The following DNA2 variants were observed in gnomAD, a reference collection of about 807,000 sequenced individuals.
DNA2 encodes DNA replication ATP-dependent helicase/nuclease DNA2.
In DNA2, 101 loss-of-function variants were observed where a neutral mutation model predicts 119.1. The ratio of observed to expected loss-of-function variants is 0.85; its 90% CI spans 0.72 to 1.00. DNA2 has a LOEUF of 1.00. Ranked by LOEUF, DNA2 falls within the 50% of genes least tolerant of loss-of-function variation. The probability of loss-of-function intolerance (pLI) is 0.00; values close to 1 mark genes in which losing one functional copy is unlikely to be tolerated. For synonymous variants in DNA2, 366 were observed against 424.4 expected (o/e 0.86, Z 1.69); for missense variants, 1,121 against 1,255.5 (o/e 0.89, Z 1.62).
chr10:68,459,805 G>C (rs1442509329), intron 4 of DNA2, among the ~76,000 whole-genome samples: 1 of 152,114 alleles, frequency 6.6e-6, no homozygotes, highest in African/African-American at 2.4e-5. Flanking sequence ...GAGGCAGGTG[G>C]ATCACAAGGT....
chr10:68,450,447 C>G (rs1426847956), intron 5 of DNA2, among the ~76,000 whole-genome samples, 200 bp from the exon 6 acceptor site: 1 of 152,146 alleles, frequency 6.6e-6, no homozygotes, highest in African/African-American at 2.4e-5. Flanking sequence ...AGTAAATCCT[C>G]AAGACCCACT....
intron 2 of DNA2, 117 bp downstream of exon 2, chr10:68,469,864 C>A: frequency 3.3e-6 from 3 of 920,986 alleles, no homozygotes; most frequent in Middle Eastern, 6.6e-4. Flanking sequence ...AGGCTAAGAT[C>A]AAACCTACTC....
rs1246628338 is a variant in DNA2 at position 68,451,941 on chromosome 10, G to T, written c.720-1694C>A. 2.0e-5 allele frequency among the ~76,000 whole-genome samples: 3 copies of T among 150,926 alleles called. No individual in the cohort carries two copies. In the East Asian group the frequency reaches 6.0e-4, roughly 30 times the overall value. Reference sequence around the variant, plus strand: ...AGAATATTTTCTAAGAAAAAAAAATGCTGTCTTAAATAATTTTTTATAAAA... The same window carrying T: ...AGAATATTTTCTAAGAAAAAAAAATTCTGTCTTAAATAATTTTTTATAAAA... On this transcript the variant is annotated intron_variant, in intron 5 of 20. Coordinates refer to ENST00000358410, the MANE Select transcript of DNA2 (RefSeq NM_001080449.3).
At chr10:68,428,370 C>T (rs959872038) in intron 14 of DNA2, among the ~76,000 whole-genome samples, 1 of 151,906 alleles carries the variant, frequency 6.6e-6, no homozygotes, top group African/African-American at 2.4e-5. Flanking sequence ...GAGGAGATCA[C>T]TCATACACGT....
intron 1 of DNA2, 45 bp downstream of exon 1, chr10:68,471,746 C>A (rs775407234): frequency 2.6e-6 from 4 of 1,525,832 alleles, no homozygotes; most frequent in African/African-American, 1.4e-5. Flanking sequence ...CTCCTTCTTT[C>A]AAATCTCCCG....
chr10:68,472,256 A>G, upstream of DNA2: 1 of 1,131,086 alleles, frequency 8.8e-7, no homozygotes, highest in Non-Finnish European at 1.1e-6. Flanking sequence ...CTTAGTTTGA[A>G]CACAACCTTT....
intron 4 of DNA2, among the ~76,000 whole-genome samples, chr10:68,462,209 C>CA (rs2052268926): frequency 6.6e-6 from 1 of 151,782 alleles, no homozygotes; most frequent in South Asian, 2.1e-4. Flanking sequence ...TGTCTCTACT[C>CA]ACAAACACAA....
In DNA2 at chr10:68,471,801, G is replaced by A; in HGVS notation, c.64C>T (p.Pro22Ser). The change falls in exon 1 of 21, where the codon CCG becomes TCG. Residue 22 changes from proline to serine, a missense_variant. By Grantham distance (74) the Pro-to-Ser change is moderately conservative (BLOSUM62 -1). Transcript: ENST00000358410. The part of the protein sequence containing the change: ...EKSFWEEAEL[P>S]AELFQKKVVA... ...CCCCTCTCCGCTCACAGCTCCGCCG[G>A]CAGCTCCGCCTCCTCCCAAAAACTC... The A allele has an allele frequency of 6.2e-7, 1 of 1,600,504 alleles. No homozygotes were observed. Among genetic ancestry groups the A allele is most frequent in the Non-Finnish European group, 8.5e-7 (1 of 1,174,550 alleles).
At chr10:68,429,564 TAGTC>T (rs1288087609) in intron 14 of DNA2, among the ~76,000 whole-genome samples, 2 of 132,292 alleles carry the variant, frequency 1.5e-5, no homozygotes, top group East Asian at 4.4e-4. Context: ...AAAAAAAAAT[TAGTC>T]AGGCGTGGTG....
rs1296910413 is a variant in DNA2 at position 68,468,324 on chromosome 10, T to A, written c.258-18A>T. The A allele has an allele frequency of 2.0e-6, 3 of 1,511,388 alleles. No homozygotes were observed. The highest frequency in any genetic ancestry group is 1.8e-6 in the Non-Finnish European group (2 of 1,129,112). 93.6% of individuals were successfully genotyped at this position (1,511,388 alleles called of 1,614,324 possible). The stretch of plus-strand genomic sequence containing the variant: ...CAGAACACCTGAAAATAAAGCAAAG[T>A]TAAAGTATAAATACATAGCTTAGGT... On this transcript the variant is annotated intron_variant, in intron 2 of 20. Coordinates refer to ENST00000358410, the MANE Select transcript of DNA2 (RefSeq NM_001080449.3).
In DNA2 at chr10:68,422,300, A is replaced by C. The variant is rs771396174; in HGVS notation, c.2622T>G (p.Ala874=). The change falls in exon 17 of 21, where the codon GCT becomes GCG. Residue 874 remains alanine, a synonymous_variant. Coordinates refer to ENST00000358410, the MANE Select transcript of DNA2 (RefSeq NM_001080449.3). ...KDVKLELEFY[A]DYSDNPWLMG... is the part of the protein sequence containing the mutation. ...TCAACCAAGGATTATCAGAATAGTCAGCATAAAATTCCAGTTCCAGCTTCA... is the reference window on the plus strand; with the variant it reads ...TCAACCAAGGATTATCAGAATAGTCCGCATAAAATTCCAGTTCCAGCTTCA... 1 of 1,613,884 alleles carries C rather than the reference A, an allele frequency of 6.2e-7. No individual in the cohort carries two copies. The highest frequency in any genetic ancestry group is 8.5e-7 in the Non-Finnish European group (1 of 1,179,852).
chr10:68,459,145 A>C lies in DNA2; in HGVS notation c.678T>G (p.His226Gln), dbSNP rs763610246. 1.9e-6 allele frequency: 3 copies of C among 1,598,822 alleles called. No individual in the cohort carries two copies. Among genetic ancestry groups the C allele is most frequent in the African/African-American group, 2.7e-5 (2 of 74,714 alleles). The change falls in exon 5 of 21, where the codon CAT (histidine) becomes CAG (glutamine). Residue 226 changes from histidine to glutamine, a missense_variant. Coordinates refer to ENST00000358410, the MANE Select transcript of DNA2 (RefSeq NM_001080449.3). Reference sequence around the variant, plus strand: ...GAGGGAAGTCAGTCGAAGTGTTTTTATGCATGAAATCTCCTGCCCATTTAC... The same window carrying C: ...GAGGGAAGTCAGTCGAAGTGTTTTTCTGCATGAAATCTCCTGCCCATTTAC... ...SFCKWAGDFM[H>Q]KNTSTDFPQM... is the part of the protein sequence containing the mutation.
chr10:68,460,714 G>A (rs910979250), intron 4 of DNA2, among the ~76,000 whole-genome samples: 1 of 151,864 alleles, frequency 6.6e-6, no homozygotes, highest in Non-Finnish European at 1.5e-5. Flanking sequence ...GGCCTAACAC[G>A]GTAATTTTTA....
Position 68,459,355 on chromosome 10 carries a change from C to CGGCCGGGCGCGGTGGCT in DNA2, c.588-121_588-120insAGCCACCGCGCCCGGCC, listed in dbSNP as rs2052226719. On this transcript the variant is annotated intron_variant, in intron 4 of 20. Transcript: ENST00000358410. ...ACGAGGACAAAAAAATACATATAAGCAACCCAACTGTTCGTCAGCCAATAA... is the reference window on the plus strand; with the variant it reads ...ACGAGGACAAAAAAATACATATAAGCGGCCGGGCGCGGTGGCTAACCCAACTGTTCGTCAGCCAATAA... 3.9e-6 allele frequency: 4 copies of CGGCCGGGCGCGGTGGCT among 1,033,874 alleles called. No individual in the cohort carries two copies. In the East Asian group the frequency reaches 1.1e-4, roughly 28 times the overall value. The allele number at this position is 1,033,874 out of a possible 1,614,324, so 64.0% of individuals were successfully genotyped here.
chr10:68,440,577 G>A (rs1020698068), intron 9 of DNA2, among the ~76,000 whole-genome samples: 6 of 151,808 alleles, frequency 4.0e-5, no homozygotes, highest in South Asian at 2.1e-4. Flanking sequence ...GATTACAGGC[G>A]TGAGCCACCT....
chr10:68,451,316 TAA>T (rs2052115133), intron 5 of DNA2, among the ~76,000 whole-genome samples: 1 of 151,964 alleles, frequency 6.6e-6, no homozygotes, highest in African/African-American at 2.4e-5. Flanking sequence ...TTTTTTTTTA[TAA>T]AAGAGGTTCT....
chr10:68,442,093 T>G (rs1485289786), intron 9 of DNA2, among the ~76,000 whole-genome samples: 1 of 152,110 alleles, frequency 6.6e-6, no homozygotes, highest in East Asian at 1.9e-4. Context: ...TTTTGTATTT[T>G]TTGTAGAGAC....
rs559766029 is a variant in DNA2 at position 68,419,437 on chromosome 10, G to C, written c.2788-224C>G. On this transcript the variant is annotated intron_variant, in intron 18 of 20. Coordinates refer to ENST00000358410, the MANE Select transcript of DNA2 (RefSeq NM_001080449.3). ...GCTCCCTTAATTTTTAGTTTCATGA[G>C]AACGTAAAGGATTATATGCTACTAA... The C allele has an allele frequency of 9.5e-6, 5 of 525,800 alleles. No homozygotes were observed. The Admixed American group carries it at 1.8e-4, about 19-fold the overall frequency. The allele number at this position is 525,800 out of a possible 1,614,324, so 32.6% of individuals were successfully genotyped here.
chr10:68,454,483 A>C (rs1488926923), intron 5 of DNA2, among the ~76,000 whole-genome samples: 2 of 152,110 alleles, frequency 1.3e-5, no homozygotes, highest in African/African-American at 4.8e-5. Flanking sequence ...GTCCAAAAAA[A>C]CTACAAAAAT....
Sources: gnomAD v4.1 joint callset for allele counts (sites outside exome capture counted in the v4.1 genomes callset) on GRCh38, gnomAD v4.1.1 for gene constraint, MANE v1.5 for transcripts, NCBI Gene and HGNC (gene_info 2026-07-23, HGNC 2026-07-21) for gene names.